BPIFB4: variants seen among roughly 807,000 people sequenced by gnomAD.
The protein encoded by BPIFB4 is BPI fold containing family B member 4, also known as BPI fold-containing family B member 4.
In BPIFB4, 62 loss-of-function variants were observed where a neutral mutation model predicts 69.2. The observed-to-expected ratio is 0.90, with a 90% confidence interval of 0.73 to 1.11. The LOEUF is 1.11. Ranked by LOEUF, BPIFB4 falls within the 50% of genes least tolerant of loss-of-function variation. The pLI is 0.00. For synonymous variants in BPIFB4, 330 were observed against 332.7 expected (o/e 0.99, Z 0.09); for missense variants, 789 against 792.0 (o/e 1.00, Z 0.04).
intron 16 of BPIFB4, among the ~76,000 whole-genome samples, chr20:33,107,252 G>A (rs28461256): frequency 1.2e-4 from 17 of 147,508 alleles, no homozygotes; most frequent in Non-Finnish European, 1.2e-4. Context: ...GAAAAGAAAA[G>A]AAAAGAAGAG....
intron 14 of BPIFB4, 56 bp downstream of exon 14, chr20:33,100,549 G>T: frequency 6.6e-7 from 1 of 1,516,978 alleles, no homozygotes. Flanking sequence ...TCATGGAGGA[G>T]CCACCAGGGA....
chr20:33,088,956 GT>G lies in BPIFB4; in HGVS notation c.927-9del, dbSNP rs758147359. 12 of 1,613,564 alleles carry G rather than the reference GT, an allele frequency of 7.4e-6. No individual in the cohort carries two copies. The South Asian group carries it at 9.9e-5, about 13-fold the overall frequency. On this transcript the variant is annotated splice_polypyrimidine_tract_variant and intron_variant, in intron 7 of 17. Transcript: ENST00000375483. ...CGAGCCTTGACCTCATCCTGCTCCT[GT>G]CTCCTTAGGCTTCTCCCCAATCTCG...
intron 16 of BPIFB4, 31 bp downstream of exon 16, chr20:33,104,904 G>T (rs1982004993): frequency 6.2e-7 from 1 of 1,606,690 alleles, no homozygotes; most frequent in African/African-American, 1.3e-5. Context: ...CTCTCTGGGA[G>T]CTTGTGGCTT....
chr20:33,099,432 TTG>T (rs1282896126), intron 13 of BPIFB4, among the ~76,000 whole-genome samples: 1 of 152,136 alleles, frequency 6.6e-6, no homozygotes, highest in Non-Finnish European at 1.5e-5. Flanking sequence ...GCTCAGAGGT[TTG>T]TGTGAGCCAG....
chr20:33,088,661 G>A (rs1410559302), intron 7 of BPIFB4, among the ~76,000 whole-genome samples: 1 of 152,226 alleles, frequency 6.6e-6, no homozygotes, highest in Non-Finnish European at 1.5e-5. Flanking sequence ...CAGCAGATGG[G>A]AATGACTTTT....
intron 11 of BPIFB4, 78 bp from the exon 12 acceptor site, chr20:33,095,022 G>A: frequency 1.4e-6 from 2 of 1,390,082 alleles, no homozygotes; most frequent in Non-Finnish European, 1.0e-6. Flanking sequence ...GCATGTAGGA[G>A]TTTAATCACT....
intron 13 of BPIFB4, among the ~76,000 whole-genome samples, chr20:33,098,667 C>A (rs918222516): frequency 1.3e-5 from 2 of 151,388 alleles, no homozygotes; most frequent in African/African-American, 4.9e-5. Context: ...ATCGCTTGAA[C>A]CTGGGAGGCG....
chr20:33,097,768 C>T lies in BPIFB4; in HGVS notation c.1550C>T (p.Thr517Ile). ...MVSQPKDLET[T>I]ICLIDVDTEF... The stretch of plus-strand genomic sequence containing the variant: ...TCCCAGCCCAAAGACCTGGAGACTA[C>T]CATCTGCCTCATTGACGTGGTGAGT... Residue 517 changes from threonine (T) to isoleucine (I), a missense_variant, in exon 13 of 18, where the codon ACC becomes ATC. Physicochemically the swap from Thr to Ile is moderately conservative, Grantham distance 89. Transcript: ENST00000375483. The T allele has an allele frequency of 6.2e-7, 1 of 1,613,744 alleles. No individual in the cohort carries two copies. Among genetic ancestry groups the T allele is most frequent in the East Asian group, 2.2e-5 (1 of 44,868 alleles).
chr20:33,092,119 C>A (rs980351448), intron 10 of BPIFB4, among the ~76,000 whole-genome samples: 1 of 152,130 alleles, frequency 6.6e-6, no homozygotes, highest in Non-Finnish European at 1.5e-5. Context: ...GATCACCTAG[C>A]ACCTTGTAGA....
At chr20:33,080,120 C>G (rs899709000) in intron 1 of BPIFB4, among the ~76,000 whole-genome samples, 6 of 152,144 alleles carry the variant, frequency 3.9e-5, no homozygotes, top group African/African-American at 1.4e-4. Flanking sequence ...ATATAGTAGT[C>G]CTTTATATTC....
At chr20:33,106,372 C>CTTTTT (rs1982055211) in intron 16 of BPIFB4, among the ~76,000 whole-genome samples, 2 of 91,174 alleles carry the variant, frequency 2.2e-5, no homozygotes, top group Non-Finnish European at 5.1e-5. Context: ...CAGCTCTTTT[C>CTTTTT]TTTCTTTTTT....
At chr20:33,103,670 A>G (rs1033593298) in intron 15 of BPIFB4, among the ~76,000 whole-genome samples, 1 of 143,156 alleles carries the variant, frequency 7.0e-6, no homozygotes, top group South Asian at 2.2e-4. Context: ...AGCATCTGCT[A>G]GCTTTCTGGG....
At chr20:33,086,307 G>T in intron 7 of BPIFB4, 143 bp downstream of exon 7, 1 of 1,132,066 alleles carries the variant, frequency 8.8e-7, no homozygotes. Context: ...CTCATGCTGA[G>T]CCAGCTGTAC....
At chr20:33,091,233 A>G (rs1981590539) in intron 10 of BPIFB4, among the ~76,000 whole-genome samples, 1 of 152,234 alleles carries the variant, frequency 6.6e-6, no homozygotes, top group African/African-American at 2.4e-5. Flanking sequence ...GGCCAGAGGT[A>G]TGCTGGTAAG....
At chr20:33,104,311 C>G (rs918131798) in intron 15 of BPIFB4, among the ~76,000 whole-genome samples, 5 of 152,344 alleles carry the variant, frequency 3.3e-5, no homozygotes, top group Admixed American at 2.6e-4. Flanking sequence ...ATCTACCCAC[C>G]ATCCTCACCG....
At chr20:33,081,958 A>G (rs187320549) in intron 3 of BPIFB4, among the ~76,000 whole-genome samples, 1 of 152,344 alleles carries the variant, frequency 6.6e-6, no homozygotes, top group Admixed American at 6.5e-5. Flanking sequence ...CCTGAGCCTC[A>G]GTTTCTTTAT....
intron 9 of BPIFB4, 93 bp downstream of exon 9, chr20:33,089,651 T>C (rs1328598044): frequency 1.9e-6 from 3 of 1,597,852 alleles, no homozygotes; most frequent in Non-Finnish European, 2.6e-6. Flanking sequence ...GCCACAGACC[T>C]GCCCTTAGGC....
At chr20:33,080,384 G>T (rs1156502702) in intron 1 of BPIFB4, 85 bp from the exon 2 acceptor site, 1 of 152,200 alleles carries the variant, frequency 6.6e-6, no homozygotes, top group Non-Finnish European at 1.5e-5. Context: ...AGGAGCAAAA[G>T]AAAGTTTCCC....
At chr20:33,098,731 C>A in intron 13 of BPIFB4, among the ~76,000 whole-genome samples, 2 of 131,120 alleles carry the variant, frequency 1.5e-5, no homozygotes, top group East Asian at 2.2e-4. Context: ...GGTGACAGAG[C>A]AAGACTCCAT....
Sources: gnomAD v4.1 joint callset for allele counts (sites outside exome capture counted in the v4.1 genomes callset) on GRCh38, gnomAD v4.1.1 for gene constraint, MANE v1.5 for transcripts, NCBI Gene and HGNC (gene_info 2026-07-23, HGNC 2026-07-21) for gene names.